The following IGF1R variants were observed in gnomAD, a reference collection of about 807,000 sequenced individuals.
IGF1R encodes the protein insulin like growth factor 1 receptor.
In IGF1R, 44 loss-of-function variants were observed where a neutral mutation model predicts 144.6. The ratio of observed to expected loss-of-function variants is 0.30; its 90% CI spans 0.24 to 0.39. The LOEUF (loss-of-function observed/expected upper bound fraction) is 0.39. Among genes scored for constraint, IGF1R ranks in the 10% least tolerant of loss-of-function variants. IGF1R has a pLI of 1.00. For synonymous variants in IGF1R, 795 were observed against 722.8 expected (o/e 1.10, Z -1.60); for missense variants, 1,355 against 1,833.7 (o/e 0.74, Z 4.77).
chr15:98,925,795 T>C (rs2015692292), intron 13 of IGF1R, among the ~76,000 whole-genome samples: 1 of 152,204 alleles, frequency 6.6e-6, no homozygotes, highest in Non-Finnish European at 1.5e-5. Flanking sequence ...TCCCAGCTAC[T>C]TGGGAGGTTG....
At chr15:98,835,001 A>G (rs1006594301) in intron 2 of IGF1R, among the ~76,000 whole-genome samples, 3 of 152,150 alleles carry the variant, frequency 2.0e-5, no homozygotes, top group Admixed American at 1.3e-4. Flanking sequence ...ATAGGCTTAT[A>G]TTGAGTGAAA....
At position 98,759,658 on chromosome 15, in the gene IGF1R, T is replaced by C. The variant is rs191837371; in HGVS notation, c.640+51551T>C. The stretch of plus-strand genomic sequence containing the variant: ...AATTCTGTACTGAATAAAATAAAAT[T>C]TATTTTCAAGTTTTGTAGGGACCTG... On this transcript the variant is annotated intron_variant, in intron 2 of 20. Coordinates refer to ENST00000650285, the MANE Select transcript of IGF1R (RefSeq NM_000875.5). Among the ~76,000 whole-genome samples, 3 of 152,338 alleles carry C rather than the reference T, an allele frequency of 2.0e-5. No individual in the cohort carries two copies. The East Asian group carries it at 5.8e-4, about 29-fold the overall frequency.
At chr15:98,752,586 G>A (rs2055039286) in intron 2 of IGF1R, among the ~76,000 whole-genome samples, 1 of 152,112 alleles carries the variant, frequency 6.6e-6, no homozygotes. Flanking sequence ...TGGACGCTGA[G>A]GCAGGAGAAT....
At chr15:98,900,397 C>T (rs995034363) in intron 5 of IGF1R, among the ~76,000 whole-genome samples, 6 of 152,170 alleles carry the variant, frequency 3.9e-5, no homozygotes, top group African/African-American at 1.4e-4. Flanking sequence ...TGAATTCCTT[C>T]CAAAGAGAAT....
At chr15:98,938,443 T>A (rs2016240026) in intron 17 of IGF1R, among the ~76,000 whole-genome samples, 1 of 152,244 alleles carries the variant, frequency 6.6e-6, no homozygotes, top group Non-Finnish European at 1.5e-5. Flanking sequence ...TATATAAAAC[T>A]TTTTTCTAAA....
rs141066903 is a variant in IGF1R at position 98,874,083 on chromosome 15, G to A, written c.641-17242G>A. 3.9e-3 allele frequency among the ~76,000 whole-genome samples: 599 copies of A among 152,256 alleles called. 5 individuals carry two copies. Among genetic ancestry groups the A allele is most frequent in the African/African-American group, 0.014 (566 of 41,530 alleles). ...AGGATGGGGGTTGAGGGAGGGAGGA[G>A]TTATGGGCATGTGATGTGGACAGGG... On this transcript the variant is annotated intron_variant, in intron 2 of 20. Coordinates refer to ENST00000650285, the MANE Select transcript of IGF1R (RefSeq NM_000875.5).
intron 2 of IGF1R, among the ~76,000 whole-genome samples, chr15:98,872,367 C>T (rs1230589195): frequency 6.6e-6 from 1 of 152,070 alleles, no homozygotes; most frequent in Non-Finnish European, 1.5e-5. Flanking sequence ...CCCCATTTAC[C>T]CACTTCCCAG....
At chr15:98,762,759 C>T (rs1490093651) in intron 2 of IGF1R, among the ~76,000 whole-genome samples, 1 of 151,638 alleles carries the variant, frequency 6.6e-6, no homozygotes, top group Non-Finnish European at 1.5e-5. Flanking sequence ...AAAACAAAAA[C>T]AAAACAGGCT....
At chr15:98,820,261 G>A (rs916027808) in intron 2 of IGF1R, among the ~76,000 whole-genome samples, 5 of 151,876 alleles carry the variant, frequency 3.3e-5, no homozygotes, top group Admixed American at 6.6e-5. Flanking sequence ...AGTCACATAC[G>A]TAGGTAATTT....
At chr15:98,763,168 A>T (rs2055349717) in intron 2 of IGF1R, among the ~76,000 whole-genome samples, 1 of 152,236 alleles carries the variant, frequency 6.6e-6, no homozygotes, top group African/African-American at 2.4e-5. Context: ...TTTGAGAGAA[A>T]ATTAAAACCA....
chr15:98,863,417 C>T (rs1459071993), intron 2 of IGF1R, among the ~76,000 whole-genome samples: 1 of 152,166 alleles, frequency 6.6e-6, no homozygotes, highest in Non-Finnish European at 1.5e-5. Context: ...TCTAAACAAG[C>T]ATTCTGTTCC....
chr15:98,865,927 G>C (rs181805113), intron 2 of IGF1R, among the ~76,000 whole-genome samples: 1 of 152,170 alleles, frequency 6.6e-6, no homozygotes, highest in Admixed American at 6.5e-5. Flanking sequence ...GTAAGAAAAG[G>C]GGGCTCCCAC....
At position 98,878,663 on chromosome 15, in the gene IGF1R, C is replaced by CAAAAAAAAA. The variant is rs138285597; in HGVS notation, c.641-12638_641-12630dup. On this transcript the variant is annotated intron_variant, in intron 2 of 20. Transcript: ENST00000650285. ...TCTCTCTTCTTATTTGTGAAAGACT[C>CAAAAAAAAA]AAAAAAAAAAAAAAAAAAAAAAAAA... 9.3e-4 allele frequency among the ~76,000 whole-genome samples: 54 copies of CAAAAAAAAA among 57,884 alleles called. 1 individual carries two copies. The highest frequency in any genetic ancestry group is 3.4e-3 in the African/African-American group (33 of 9,622). 38.0% of individuals were successfully genotyped at this position (57,884 alleles called of 152,430 possible).
intron 2 of IGF1R, among the ~76,000 whole-genome samples, chr15:98,832,609 T>C (rs2057021662): frequency 6.6e-6 from 1 of 152,208 alleles, no homozygotes; most frequent in South Asian, 2.1e-4. Context: ...TAGATCTTGA[T>C]TGCCTTTCTT....
intron 2 of IGF1R, chr15:98,734,651 T>C (rs1471696191): frequency 1.3e-5 from 2 of 152,250 alleles, no homozygotes; most frequent in Non-Finnish European, 2.9e-5. Context: ...AATTGGTGAC[T>C]ACCATTCTGA....
At chr15:98,749,538 TAA>T (rs1424196093) in intron 2 of IGF1R, among the ~76,000 whole-genome samples, 1 of 152,264 alleles carries the variant, frequency 6.6e-6, no homozygotes, top group African/African-American at 2.4e-5. Context: ...TTCATTTTTC[TAA>T]GTTTCCATTA....
Position 98,853,207 on chromosome 15 carries a change from T to TA in IGF1R, c.641-38110dup, listed in dbSNP as rs144319404. ...AGGTTTGAAATATGTTTCCTCCCTT[T>TA]AAAAAAAAGAAGGGGGGCAGTATTG... is the stretch of plus-strand genomic sequence containing the variant. On this transcript the variant is annotated intron_variant, in intron 2 of 20. Coordinates refer to ENST00000650285, the MANE Select transcript of IGF1R (RefSeq NM_000875.5). 2.7e-3 allele frequency among the ~76,000 whole-genome samples: 418 copies of TA among 152,122 alleles called. 2 individuals are homozygous for TA. The highest frequency in any genetic ancestry group is 9.3e-3 in the African/African-American group (387 of 41,498).
intron 2 of IGF1R, among the ~76,000 whole-genome samples, chr15:98,866,701 G>T (rs2012467645): frequency 6.6e-6 from 1 of 152,190 alleles, no homozygotes; most frequent in Non-Finnish European, 1.5e-5. Context: ...TTCCTGTTGG[G>T]ATGAGAGGAA....
chr15:98,747,582 C>T (rs376115499), intron 2 of IGF1R, among the ~76,000 whole-genome samples: 89 of 152,240 alleles, frequency 5.8e-4, no homozygotes, highest in African/African-American at 1.8e-3. Flanking sequence ...TTCCCTCTGA[C>T]GACTAAATCT....
Sources: gnomAD v4.1 joint callset for allele counts (sites outside exome capture counted in the v4.1 genomes callset) on GRCh38, gnomAD v4.1.1 for gene constraint, MANE v1.5 for transcripts, NCBI Gene and HGNC (gene_info 2026-07-23, HGNC 2026-07-21) for gene names.